The following B3GALNT1 variants were observed in gnomAD, a reference collection of about 807,000 sequenced individuals.
The protein encoded by B3GALNT1 is UDP-GalNAc:beta-1,3-N-acetylgalactosaminyltransferase 1.
Under a neutral mutation model 27.3 loss-of-function variants are expected in B3GALNT1, and 17 were observed. That is an observed-to-expected ratio of 0.62 (90% confidence interval 0.43 to 0.94). The LOEUF (loss-of-function observed/expected upper bound fraction) is 0.94. Among genes scored for constraint, B3GALNT1 ranks in the 40% least tolerant of loss-of-function variants. B3GALNT1 has a pLI of 0.00. For synonymous variants in B3GALNT1, 141 were observed against 144.0 expected (o/e 0.98, Z 0.15); for missense variants, 347 against 390.0 (o/e 0.89, Z 0.93).
intron 4 of B3GALNT1, among the ~76,000 whole-genome samples, chr3:161,088,106 G>T (rs1167140362): frequency 6.6e-6 from 1 of 152,098 alleles, no homozygotes; most frequent in African/African-American, 2.4e-5. Flanking sequence ...AGTCTACCAA[G>T]GGTTCTACCT....
intron 4 of B3GALNT1, among the ~76,000 whole-genome samples, chr3:161,099,052 T>G (rs1309425621): frequency 6.6e-6 from 1 of 152,220 alleles, no homozygotes; most frequent in Non-Finnish European, 1.5e-5. Flanking sequence ...TGATCCATCA[T>G]AGCCAGTGTA....
intron 4 of B3GALNT1, among the ~76,000 whole-genome samples, 173 bp from the exon 5 acceptor site, chr3:161,086,961 C>T (rs971966307): frequency 1.3e-5 from 2 of 152,080 alleles, no homozygotes; most frequent in African/African-American, 4.8e-5. Flanking sequence ...AAACCAATAA[C>T]CAAAAATCTA....
At chr3:161,088,181 G>C (rs1026605105) in intron 4 of B3GALNT1, among the ~76,000 whole-genome samples, 1 of 152,116 alleles carries the variant, frequency 6.6e-6, no homozygotes, top group African/African-American at 2.4e-5. Context: ...GAAAATAACA[G>C]GATTTCAAGG....
intron 4 of B3GALNT1, among the ~76,000 whole-genome samples, chr3:161,092,489 A>C (rs1576692502): frequency 2.0e-5 from 3 of 152,284 alleles, no homozygotes; most frequent in Admixed American, 2.0e-4. Context: ...ATCAGCAGGA[A>C]GAATGAAAGG....
rs1415835224 is a variant in B3GALNT1 at position 161,085,809 on chromosome 3, T to A, written c.946A>T (p.Ile316Phe). The A allele has an allele frequency of 6.2e-7, 1 of 1,614,138 alleles. No individual in the cohort carries two copies. Residue 316 changes from isoleucine to phenylalanine, a missense_variant, in exon 5 of 5, where the codon ATC becomes TTC. Coordinates refer to ENST00000320474, the MANE Select transcript of B3GALNT1 (RefSeq NM_003781.4). ...IAAHGFSSKE[I>F]ITFWQVMLRN... ...AGCATGACCTGCCAAAAAGTGATGA[T>A]CTCCTTGGAAGAAAAGCCATGGGCT... is the stretch of plus-strand genomic sequence containing the variant.
chr3:161,100,363 C>G (rs1730578993), intron 4 of B3GALNT1, among the ~76,000 whole-genome samples: 1 of 152,258 alleles, frequency 6.6e-6, no homozygotes, highest in East Asian at 1.9e-4. Context: ...GTATAAATAC[C>G]TATACTCATT....
At chr3:161,099,391 T>C (rs1188400919) in intron 4 of B3GALNT1, among the ~76,000 whole-genome samples, 1 of 152,192 alleles carries the variant, frequency 6.6e-6, no homozygotes, top group South Asian at 2.1e-4. Context: ...GGAACACATT[T>C]ATTGTCCTAT....
At chr3:161,088,800 T>C (rs1723429724) in intron 4 of B3GALNT1, among the ~76,000 whole-genome samples, 1 of 152,242 alleles carries the variant, frequency 6.6e-6, no homozygotes, top group African/African-American at 2.4e-5. Flanking sequence ...GTGCCATTTA[T>C]AATTGCATAT....
At chr3:161,090,523 T>C (rs1724494505) in intron 4 of B3GALNT1, among the ~76,000 whole-genome samples, 1 of 152,122 alleles carries the variant, frequency 6.6e-6, no homozygotes, top group South Asian at 2.1e-4. Flanking sequence ...TAATACAGGC[T>C]ACATTCTCTA....
At chr3:161,089,761 T>A (rs1430427813) in intron 4 of B3GALNT1, among the ~76,000 whole-genome samples, 1 of 152,012 alleles carries the variant, frequency 6.6e-6, no homozygotes, top group South Asian at 2.1e-4. Context: ...AATGTAAACT[T>A]ATCTACTAAA....
chr3:161,087,477 C>T (rs1335393633), intron 4 of B3GALNT1, among the ~76,000 whole-genome samples: 1 of 151,912 alleles, frequency 6.6e-6, no homozygotes, highest in Non-Finnish European at 1.5e-5. Context: ...CCTCCTTTTA[C>T]CTCATTGGTT....
At chr3:161,103,721 GT>G (rs1214291209) in intron 2 of B3GALNT1, among the ~76,000 whole-genome samples, 5 of 152,054 alleles carry the variant, frequency 3.3e-5, no homozygotes, top group African/African-American at 4.8e-5. Flanking sequence ...CTTGGACACT[GT>G]TTTTTTGTTT....
At chr3:161,103,659 T>C (rs1732636463) in intron 2 of B3GALNT1, 142 bp from the exon 3 acceptor site, 1 of 259,214 alleles carries the variant, frequency 3.9e-6, no homozygotes. Context: ...GGAAAAGCCT[T>C]GATCCTCTCT....
At chr3:161,098,499 A>C (rs1729457821) in intron 4 of B3GALNT1, among the ~76,000 whole-genome samples, 1 of 152,190 alleles carries the variant, frequency 6.6e-6, no homozygotes, top group Non-Finnish European at 1.5e-5. Flanking sequence ...AGACTGCTTG[A>C]GGTCAGGAGT....
At chr3:161,096,627 C>T (rs1004287919) in intron 4 of B3GALNT1, among the ~76,000 whole-genome samples, 8 of 152,182 alleles carry the variant, frequency 5.3e-5, no homozygotes, top group Admixed American at 5.2e-4. Flanking sequence ...AAACTAAACA[C>T]ATTAACTCAT....
chr3:161,104,536 T>C (rs1733238388), intron 1 of B3GALNT1, 130 bp from the exon 2 acceptor site: 1 of 390,234 alleles, frequency 2.6e-6, no homozygotes, highest in Non-Finnish European at 4.7e-6. Context: ...CATTCCTTAC[T>C]GCTTGGAAAA....
Position 161,101,229 on chromosome 3 carries a change from G to T in B3GALNT1, c.-125C>A, listed in dbSNP as rs1160971960. 7.8e-7 allele frequency: 1 copy of T among 1,289,842 alleles called. No homozygotes were observed. The highest frequency in any genetic ancestry group is 5.6e-5 in the East Asian group (1 of 18,018). 79.9% of individuals were successfully genotyped at this position (1,289,842 alleles called of 1,614,324 possible). ...AGGTCAACCGGGTCCAGGGAGCTAA[G>T]AAAACTGGAGCAGAGCAAAGATCAC... On this transcript the variant is annotated 5_prime_UTR_variant, in exon 4 of 5. Coordinates refer to ENST00000320474, the MANE Select transcript of B3GALNT1 (RefSeq NM_003781.4).
At position 161,085,771 on chromosome 3, in the gene B3GALNT1, T is replaced by G; in HGVS notation, c.984A>C (p.Thr328=). The change falls in exon 5 of 5, where the codon ACA becomes ACC. Residue 328 remains threonine (T), a synonymous_variant. Transcript: ENST00000320474. ...TFWQVMLRNT[T]CHY is the part of the protein sequence containing the mutation. ...GTAGAATGTGAAGTTAATAATGGCATGTGGTGTTCCTTAGCATGACCTGCC... is the reference window on the plus strand; with the variant it reads ...GTAGAATGTGAAGTTAATAATGGCAGGTGGTGTTCCTTAGCATGACCTGCC... 1 of 1,614,162 alleles carries G rather than the reference T, an allele frequency of 6.2e-7. No individual in the cohort carries two copies. The highest frequency in any genetic ancestry group is 1.1e-5 in the South Asian group (1 of 91,086).
Position 161,086,113 on chromosome 3 carries a change from G to C in B3GALNT1, c.642C>G (p.Ser214=), listed in dbSNP as rs988575511. Residue 214 remains serine, a synonymous_variant, in exon 5 of 5, where the codon TCC becomes TCG. Transcript: ENST00000320474. Reference sequence around the variant, plus strand: ...GGGTTTTTTGGTAAAATCCTCTATAGGAATAATTATCAATTAGAGGATAAC... The same window carrying C: ...GGGTTTTTTGGTAAAATCCTCTATACGAATAATTATCAATTAGAGGATAAC... ...FTGYPLIDNY[S]YRGFYQKTHI... 15 of 1,606,060 alleles carry C rather than the reference G, an allele frequency of 9.3e-6. No individual in the cohort carries two copies. The highest frequency in any genetic ancestry group is 1.1e-5 in the Non-Finnish European group (13 of 1,176,606).
Sources: gnomAD v4.1 joint callset for allele counts (sites outside exome capture counted in the v4.1 genomes callset) on GRCh38, gnomAD v4.1.1 for gene constraint, MANE v1.5 for transcripts, NCBI Gene and HGNC (gene_info 2026-07-23, HGNC 2026-07-21) for gene names.